DHX34: variants seen among roughly 807,000 people sequenced by gnomAD.
DHX34 encodes probable ATP-dependent RNA helicase DHX34.
Under a neutral mutation model 111.1 loss-of-function variants are expected in DHX34, and 96 were observed. The ratio of observed to expected loss-of-function variants is 0.86; its 90% CI spans 0.73 to 1.02. DHX34 has a LOEUF of 1.02. DHX34 is among the 50% of genes least tolerant of loss of function. The pLI is 0.00. For missense variants in DHX34, 1,560 were observed against 1,579.9 expected, an observed-to-expected ratio of 0.99 and a Z score of 0.21; for synonymous variants, 688 against 670.4, an observed-to-expected ratio of 1.03 and a Z score of -0.41.
Position 47,375,449 on chromosome 19 carries a change from T to C in DHX34, c.2065-17T>C. 6.3e-7 allele frequency: 1 copy of C among 1,575,014 alleles called. No individual in the cohort carries two copies. The highest frequency in any genetic ancestry group is 8.6e-7 in the Non-Finnish European group (1 of 1,168,852). On this transcript the variant is annotated splice_polypyrimidine_tract_variant and intron_variant, in intron 9 of 16. Coordinates refer to ENST00000328771, the MANE Select transcript of DHX34 (RefSeq NM_014681.6). The stretch of plus-strand genomic sequence containing the variant: ...GAGTCTGCCCTGAGGCCCTCACCCC[T>C]ACCCACCTGCCCCTAGGAGCTGTTG...
chr19:47,357,851 GC>G lies in DHX34; in HGVS notation c.1018-14del, dbSNP rs1313510296. 6.2e-6 allele frequency: 10 copies of G among 1,606,036 alleles called. No individual in the cohort carries two copies. In the African/African-American group the frequency reaches 9.4e-5, roughly 15 times the overall value. On this transcript the variant is annotated splice_polypyrimidine_tract_variant and intron_variant, in intron 3 of 16. Transcript: ENST00000328771. ...GGGACAGGGTGTGCTTCTACCTGGG[GC>G]TGTCTCCTCTCAGGTTGTGTACCAG... is the stretch of plus-strand genomic sequence containing the variant.
Position 47,368,658 on chromosome 19 carries a change from AC to A in DHX34, c.1768+1504del, listed in dbSNP as rs1969874408. Among the ~76,000 whole-genome samples, 4 of 144,642 alleles carry A rather than the reference AC, an allele frequency of 2.8e-5. No individual in the cohort carries two copies. In the South Asian group the frequency reaches 8.8e-4, roughly 32 times the overall value. The allele number at this position is 144,642 out of a possible 152,430, so 94.9% of individuals were successfully genotyped here. The stretch of plus-strand genomic sequence containing the variant: ...TATATATACACACACACACACACAC[AC>A]ACATACACACACATATATATACATA... On this transcript the variant is annotated intron_variant, in intron 7 of 16. Coordinates refer to ENST00000328771, the MANE Select transcript of DHX34 (RefSeq NM_014681.6).
chr19:47,362,827 G>A, intron 6 of DHX34, 134 bp downstream of exon 6: 1 of 869,214 alleles, frequency 1.2e-6, no homozygotes. Context: ...CTAGAGTGCA[G>A]TGCTGTGATC....
In DHX34 at chr19:47,376,934, G is replaced by A. The variant is rs372862697; in HGVS notation, c.2600-166G>A. The A allele has an allele frequency of 8.1e-5, 125 of 1,537,712 alleles. No individual in the cohort carries two copies. In the African/African-American group the frequency reaches 1.5e-3, roughly 18 times the overall value. ...CTGCAGGCATGGCTGCGTGCTGGGA[G>A]TCACATTCAGATTTGGCTGACCTTC... On this transcript the variant is annotated intron_variant, in intron 12 of 16. Transcript: ENST00000328771.
At chr19:47,350,292 A>C (rs1969245319) in intron 1 of DHX34, among the ~76,000 whole-genome samples, 1 of 152,150 alleles carries the variant, frequency 6.6e-6, no homozygotes, top group Admixed American at 6.6e-5. Flanking sequence ...CATCCACAGC[A>C]CTTTGGGAGG....
In DHX34 at chr19:47,379,558, G is replaced by T. The variant is rs1263467786; in HGVS notation, c.2707-152G>T. ...CATGCCGTATCCCCAGCACCCGAAG[G>T]GGTGCCTGGTACAGCGGGTAGATGG... On this transcript the variant is annotated intron_variant, in intron 13 of 16. Coordinates refer to ENST00000328771, the MANE Select transcript of DHX34 (RefSeq NM_014681.6). 3.4e-6 allele frequency: 5 copies of T among 1,459,398 alleles called. No homozygotes were observed. The South Asian group carries it at 4.4e-5, about 13-fold the overall frequency. 90.4% of individuals were successfully genotyped at this position (1,459,398 alleles called of 1,614,324 possible).
intron 9 of DHX34, 27 bp from the exon 10 acceptor site, chr19:47,375,439 C>A: frequency 6.4e-7 from 1 of 1,561,610 alleles, no homozygotes; most frequent in Non-Finnish European, 8.6e-7. Flanking sequence ...TGCCCTGAGG[C>A]CCTCACCCCT....
rs2547386 is a variant in DHX34, at chr19:47,367,175, C to G, written c.1768+20C>G. 94,092 of 1,452,436 alleles carry G rather than the reference C, an allele frequency of 0.065. 4,197 individuals carry two copies. The highest frequency in any genetic ancestry group is 0.22 in the African/African-American group (15,428 of 68,966). 90.0% of individuals were successfully genotyped at this position (1,452,436 alleles called of 1,614,324 possible). On this transcript the variant is annotated intron_variant, in intron 7 of 16. Transcript: ENST00000328771. ...TGATTGGTGAGTACCCACCCCCCTC[C>G]TGATCACTCAGGGCCCCAGGAGCGG...
Position 47,367,303 on chromosome 19 carries a change from G to C in DHX34, c.1768+148G>C, listed in dbSNP as rs1003522198. ...TTCACTGGGCCAGGCACTGTTCTAG[G>C]TGCTGGGCATATAGCAGTGGACAGA... is the stretch of plus-strand genomic sequence containing the variant. On this transcript the variant is annotated intron_variant, in intron 7 of 16. Coordinates refer to ENST00000328771, the MANE Select transcript of DHX34 (RefSeq NM_014681.6). The C allele has an allele frequency of 5.2e-6, 5 of 956,768 alleles. No individual in the cohort carries two copies. The African/African-American group carries it at 8.6e-5, about 16-fold the overall frequency. 59.3% of individuals were successfully genotyped at this position (956,768 alleles called of 1,614,324 possible). A position where few individuals can be genotyped will look rare whatever the true frequency, so the allele number is the denominator to read the frequency against.
chr19:47,354,891 T>G, intron 2 of DHX34, 148 bp from the exon 3 acceptor site: 1 of 1,404,098 alleles, frequency 7.1e-7, no homozygotes. Context: ...CTACCTCAGG[T>G]GATCCGCCCG....
intron 3 of DHX34, among the ~76,000 whole-genome samples, chr19:47,355,681 T>C (rs1158845819): frequency 6.6e-6 from 1 of 151,872 alleles, no homozygotes; most frequent in Admixed American, 6.6e-5. Flanking sequence ...ACCCCATCTC[T>C]ACTAAAAACA....
At position 47,375,938 on chromosome 19, in the gene DHX34, G is replaced by C; in HGVS notation, c.2322G>C (p.Lys774Asn). 6.2e-7 allele frequency: 1 copy of C among 1,602,242 alleles called. No individual in the cohort carries two copies. The highest frequency in any genetic ancestry group is 8.5e-7 in the Non-Finnish European group (1 of 1,177,330). Residue 774 changes from lysine (K) to asparagine (N), a missense_variant, in exon 11 of 17, where the codon AAG becomes AAC. Transcript: ENST00000328771. Reference protein sequence around the residue: ...DGVDIQDVKFKLRHDLAQLQA... With the variant: ...DGVDIQDVKFNLRHDLAQLQA... Reference sequence around the variant, plus strand: ...GCTCCCCCCAGGATGTGAAGTTCAAGCTTCGGCATGACCTGGCGCAGCTGC... The same window carrying C: ...GCTCCCCCCAGGATGTGAAGTTCAACCTTCGGCATGACCTGGCGCAGCTGC...
chr19:47,373,447 T>C, intron 8 of DHX34, 152 bp from the exon 9 acceptor site: 1 of 1,440,238 alleles, frequency 6.9e-7, no homozygotes, highest in Non-Finnish European at 9.1e-7. Flanking sequence ...TGGGAGGGCT[T>C]CCCATAGGAG....
At chr19:47,369,689 A>G (rs552724115) in intron 7 of DHX34, among the ~76,000 whole-genome samples, 2 of 152,272 alleles carry the variant, frequency 1.3e-5, no homozygotes, top group South Asian at 2.1e-4. Flanking sequence ...TGGGAGGCCA[A>G]TTAACAGTGA....
chr19:47,359,847 G>A, intron 4 of DHX34, 121 bp from the exon 5 acceptor site: 1 of 1,550,358 alleles, frequency 6.5e-7, no homozygotes, highest in Non-Finnish European at 8.7e-7. Context: ...CCAAAAGGGA[G>A]GTCTCTGAAG....
rs981522618 is a variant in DHX34 at position 47,372,204 on chromosome 19, CT to C, written c.1769-524del. On this transcript the variant is annotated intron_variant, in intron 7 of 16. Coordinates refer to ENST00000328771, the MANE Select transcript of DHX34 (RefSeq NM_014681.6). ...CCTTCTGTCCCCTCTTCCTCTTCCA[CT>C]TCCACCTTGACCTAAACAAAGGCTG... 5.3e-5 allele frequency among the ~76,000 whole-genome samples: 8 copies of C among 152,058 alleles called. No individual in the cohort carries two copies. The East Asian group carries it at 1.6e-3, about 29-fold the overall frequency.
chr19:47,351,316 C>G (rs1365280755), intron 1 of DHX34, among the ~76,000 whole-genome samples: 1 of 151,266 alleles, frequency 6.6e-6, no homozygotes, highest in Admixed American at 6.6e-5. Flanking sequence ...GTCGCTGGGA[C>G]TACCCGAGTA....
chr19:47,361,391 G>A (rs551802659), intron 5 of DHX34, among the ~76,000 whole-genome samples: 1 of 152,126 alleles, frequency 6.6e-6, no homozygotes, highest in Admixed American at 6.6e-5. Flanking sequence ...CCAGGAAATC[G>A]AGGCTGCAGT....
intron 1 of DHX34, among the ~76,000 whole-genome samples, chr19:47,352,433 T>C (rs1290753458): frequency 6.6e-6 from 1 of 152,200 alleles, no homozygotes; most frequent in Non-Finnish European, 1.5e-5. Flanking sequence ...CCCAACACTT[T>C]GGGAGGCTAA....
Sources: allele counts gnomAD v4.1 joint callset (sites outside exome capture counted in the v4.1 genomes callset), GRCh38; gene constraint gnomAD v4.1.1; transcripts MANE v1.5; gene names NCBI Gene and HGNC (gene_info 2026-07-23, HGNC 2026-07-21).